RTN4RL1: variants seen among roughly 807,000 people sequenced by gnomAD.
RTN4RL1 encodes the protein reticulon-4 receptor-like 1.
A neutral mutation model predicts 25.6 loss-of-function variants in RTN4RL1; 7 were observed. That is an observed-to-expected ratio of 0.27 (90% CI 0.16 to 0.51). RTN4RL1 has a LOEUF of 0.51. Among genes scored for constraint, RTN4RL1 ranks in the 20% least tolerant of loss-of-function variants. The probability of loss-of-function intolerance (pLI) is 0.97; values close to 1 mark genes in which losing one functional copy is unlikely to be tolerated. For missense variants in RTN4RL1, 500 were observed against 615.6 expected (o/e 0.81, Z 1.99); for synonymous variants, 297 against 288.2 (o/e 1.03, Z -0.31).
intron 1 of RTN4RL1, among the ~76,000 whole-genome samples, chr17:1,985,281 T>C (rs1283215190): frequency 3.9e-5 from 6 of 152,212 alleles, no homozygotes; most frequent in Non-Finnish European, 7.3e-5. Flanking sequence ...CCCCTCCTTC[T>C]TCTCACCTCC....
At chr17:1,958,695 G>A (rs768556365) in intron 1 of RTN4RL1, among the ~76,000 whole-genome samples, 1 of 152,230 alleles carries the variant, frequency 6.6e-6, no homozygotes, top group Non-Finnish European at 1.5e-5. Flanking sequence ...TGCAGCAGCT[G>A]AGGCAGGCAG....
chr17:1,950,055 G>C (rs1345159784), intron 1 of RTN4RL1, among the ~76,000 whole-genome samples: 1 of 152,304 alleles, frequency 6.6e-6, no homozygotes, highest in African/African-American at 2.4e-5. Flanking sequence ...CACCAGAAAG[G>C]GTTTGGATCT....
chr17:1,951,469 T>G (rs1365244666), intron 1 of RTN4RL1, among the ~76,000 whole-genome samples: 1 of 151,358 alleles, frequency 6.6e-6, no homozygotes, highest in Non-Finnish European at 1.5e-5. Flanking sequence ...TTTGTTTTTT[T>G]GGGACAGAGT....
At chr17:1,947,495 G>T (rs370910706) in intron 1 of RTN4RL1, among the ~76,000 whole-genome samples, 1 of 152,240 alleles carries the variant, frequency 6.6e-6, no homozygotes, top group South Asian at 2.1e-4. Context: ...TTCAACTCCC[G>T]CCCTCCTCCC....
At chr17:2,022,540 T>C (rs982872106) in intron 1 of RTN4RL1, among the ~76,000 whole-genome samples, 2 of 152,230 alleles carry the variant, frequency 1.3e-5, no homozygotes, top group Non-Finnish European at 2.9e-5. Context: ...GCCTCAGGCA[T>C]GCTTTTGGCT....
Position 2,024,766 on chromosome 17 carries a change from G to A in RTN4RL1, c.13+87C>T, listed in dbSNP as rs915707400. The stretch of plus-strand genomic sequence containing the variant: ...CCCGCCGGGGGCTACTTCCCAGACC[G>A]GGAGCCCCGGCGCCGGGCGGCGCCC... On this transcript the variant is annotated intron_variant, in intron 1 of 1. Coordinates refer to ENST00000331238, the MANE Select transcript of RTN4RL1 (RefSeq NM_178568.4). The A allele has an allele frequency of 2.9e-6, 4 of 1,390,720 alleles. No homozygotes were observed. In the African/African-American group the frequency reaches 4.5e-5, roughly 16 times the overall value. 86.1% of individuals were successfully genotyped at this position (1,390,720 alleles called of 1,614,324 possible). A position where few individuals can be genotyped will look rare whatever the true frequency, so the allele number is the denominator to read the frequency against.
intron 1 of RTN4RL1, among the ~76,000 whole-genome samples, chr17:1,951,143 T>A (rs1374284147): frequency 6.6e-6 from 1 of 151,570 alleles, no homozygotes; most frequent in Non-Finnish European, 1.5e-5. Flanking sequence ...TGGGTACCTG[T>A]AGTCCCAGCT....
intron 1 of RTN4RL1, among the ~76,000 whole-genome samples, chr17:1,985,121 G>A (rs1206969808): frequency 6.6e-6 from 1 of 152,196 alleles, no homozygotes; most frequent in Non-Finnish European, 1.5e-5. Context: ...AACTGATCAT[G>A]AAACTCTCCT....
Position 1,935,627 on chromosome 17 carries a change from A to T in RTN4RL1, c.*869T>A. The T allele has an allele frequency of 1.0e-6, 1 of 982,118 alleles. No individual in the cohort carries two copies. The highest frequency in any genetic ancestry group is 1.2e-6 in the Non-Finnish European group (1 of 827,864). The allele number at this position is 982,118 out of a possible 1,614,324, so 60.8% of individuals were successfully genotyped here. A position where few individuals can be genotyped will look rare whatever the true frequency, so the allele number is the denominator to read the frequency against. ...AAATCACCAATACAATCCTTAGTTCAGCAAATACAGTTTTCTGTATAGTTT... is the reference window on the plus strand; with the variant it reads ...AAATCACCAATACAATCCTTAGTTCTGCAAATACAGTTTTCTGTATAGTTT... On this transcript the variant is annotated 3_prime_UTR_variant, in exon 2 of 2. Transcript: ENST00000331238.
intron 1 of RTN4RL1, among the ~76,000 whole-genome samples, chr17:1,953,550 A>T (rs768112403): frequency 4.7e-4 from 66 of 141,208 alleles, no homozygotes; most frequent in Non-Finnish European, 9.0e-4. Flanking sequence ...CTCAAAGTAT[A>T]AAAAAAATTG....
chr17:1,967,880 A>T (rs950539845), intron 1 of RTN4RL1, among the ~76,000 whole-genome samples: 2 of 152,082 alleles, frequency 1.3e-5, no homozygotes, highest in Non-Finnish European at 1.5e-5. Flanking sequence ...ACCTCAGGTG[A>T]TCCACTCGCC....
intron 1 of RTN4RL1, among the ~76,000 whole-genome samples, chr17:1,942,361 G>C (rs1915456611): frequency 7.9e-6 from 1 of 126,588 alleles, no homozygotes; most frequent in Admixed American, 9.9e-5. Flanking sequence ...CAGAATGACT[G>C]GGTGGGGGGA....
chr17:1,947,035 T>G (rs565248806), intron 1 of RTN4RL1, among the ~76,000 whole-genome samples: 38 of 55,752 alleles, frequency 6.8e-4, no homozygotes, highest in South Asian at 1.9e-3. Context: ...TGTGCACATG[T>G]GTCTGTGTGC....
intron 1 of RTN4RL1, among the ~76,000 whole-genome samples, chr17:1,978,004 C>T (rs1159322352): frequency 6.6e-6 from 1 of 151,366 alleles, no homozygotes; most frequent in East Asian, 1.9e-4. Context: ...CCCCGGATCC[C>T]GCACCCCGCA....
At chr17:2,007,123 G>A (rs1417724008) in intron 1 of RTN4RL1, among the ~76,000 whole-genome samples, 1 of 152,044 alleles carries the variant, frequency 6.6e-6, no homozygotes, top group African/African-American at 2.4e-5. Context: ...CCCTTCTGGT[G>A]CCGCAGTTGA....
At chr17:1,940,405 C>G (rs1050667095) in intron 1 of RTN4RL1, among the ~76,000 whole-genome samples, 1 of 152,158 alleles carries the variant, frequency 6.6e-6, no homozygotes, top group Non-Finnish European at 1.5e-5. Context: ...CAGGCTGGGC[C>G]GAGGCTGCTG....
chr17:1,981,608 G>C (rs2066867630), intron 1 of RTN4RL1, among the ~76,000 whole-genome samples: 1 of 152,200 alleles, frequency 6.6e-6, no homozygotes, highest in African/African-American at 2.4e-5. Flanking sequence ...TCCACCCTGA[G>C]CAGCCTCACA....
chr17:2,008,182 T>G (rs908360869), intron 1 of RTN4RL1, among the ~76,000 whole-genome samples: 1 of 149,964 alleles, frequency 6.7e-6, no homozygotes, highest in Non-Finnish European at 1.5e-5. Context: ...GGCAGGAGAA[T>G]CACTTGAACC....
At chr17:2,006,179 AC>A (rs1437895226) in intron 1 of RTN4RL1, among the ~76,000 whole-genome samples, 5 of 147,630 alleles carry the variant, frequency 3.4e-5, no homozygotes. Context: ...TTTTTTGGCA[AC>A]AGAGCCTTGC....
Sources: allele counts gnomAD v4.1 joint callset (sites outside exome capture counted in the v4.1 genomes callset), GRCh38; gene constraint gnomAD v4.1.1; transcripts MANE v1.5; gene names NCBI Gene and HGNC (gene_info 2026-07-23, HGNC 2026-07-21).